XRCC6: variants seen among roughly 807,000 people sequenced by gnomAD.
XRCC6 encodes DNA repair protein Ku70.
In XRCC6, 5 loss-of-function variants were observed where a neutral mutation model predicts 65.7. That is an observed-to-expected ratio of 0.08 (90% CI 0.04 to 0.16). The LOEUF (loss-of-function observed/expected upper bound fraction) is 0.16, where lower values mean the gene tolerates loss of function less well. XRCC6 is among the 10% of genes least tolerant of loss of function. The pLI, the probability that XRCC6 is intolerant of heterozygous loss-of-function variation, is 1.00. For synonymous variants in XRCC6, 270 were observed against 270.6 expected (o/e 1.00, Z 0.02); for missense variants, 447 against 738.1 (o/e 0.61, Z 4.57).
At chr22:41,627,336 T>C (rs1728951902) in intron 2 of XRCC6, among the ~76,000 whole-genome samples, 1 of 151,594 alleles carries the variant, frequency 6.6e-6, no homozygotes, top group Non-Finnish European at 1.5e-5. Context: ...CGGGGTGGGG[T>C]GCGGTGGCTC....
chr22:41,639,743 A>G (rs2067854838), intron 6 of XRCC6, among the ~76,000 whole-genome samples: 1 of 139,374 alleles, frequency 7.2e-6, no homozygotes, highest in South Asian at 2.2e-4. Flanking sequence ...GGTCACTGCA[A>G]GCTCCGCCTC....
At chr22:41,624,166 C>T (rs554220753) in intron 2 of XRCC6, among the ~76,000 whole-genome samples, 2 of 152,208 alleles carry the variant, frequency 1.3e-5, no homozygotes, top group African/African-American at 2.4e-5. Flanking sequence ...GGGCAGATCA[C>T]TTGAGGTCAG....
In XRCC6 at chr22:41,661,416, T is replaced by C. The variant is rs1419299749; in HGVS notation, c.1608T>C (p.Pro536=). Residue 536 remains proline (P), a synonymous_variant, in exon 12 of 13, where the codon CCT becomes CCC. Transcript: ENST00000360079. ...TTGTTTACCCACCAGATTACAATCC[T>C]GAAGGGAAAGTTACCAAGAGAAAAC... is the stretch of plus-strand genomic sequence containing the variant. The part of the protein sequence containing the change: ...KELVYPPDYN[P]EGKVTKRKHD... 5.6e-6 allele frequency: 9 copies of C among 1,613,948 alleles called. No individual in the cohort carries two copies. Among genetic ancestry groups the C allele is most frequent in the Admixed American group, 5.0e-5 (3 of 59,968 alleles).
At chr22:41,657,969 G>A (rs1313030186) in intron 10 of XRCC6, among the ~76,000 whole-genome samples, 3 of 152,038 alleles carry the variant, frequency 2.0e-5, no homozygotes, top group South Asian at 2.1e-4. Context: ...GACCACAGGC[G>A]TGCACCAACA....
intron 7 of XRCC6, 93 bp downstream of exon 7, chr22:41,647,175 T>C: frequency 7.2e-7 from 1 of 1,394,526 alleles, no homozygotes; most frequent in South Asian, 1.3e-5. Context: ...CATGACTCGC[T>C]ACAGCCTTGA....
intron 7 of XRCC6, among the ~76,000 whole-genome samples, chr22:41,649,126 C>CA (rs1335320703): frequency 0.011 from 997 of 90,228 alleles, 30 homozygotes; most frequent in African/African-American, 0.035. Flanking sequence ...GAAGAGAGTA[C>CA]AAAAAAAAAA....
At chr22:41,624,671 G>T (rs910637744) in intron 2 of XRCC6, among the ~76,000 whole-genome samples, 1 of 146,886 alleles carries the variant, frequency 6.8e-6, no homozygotes, top group African/African-American at 2.5e-5. Flanking sequence ...CTGGGCGACA[G>T]AGTGAGACTC....
At chr22:41,648,987 A>C (rs1469707874) in intron 7 of XRCC6, among the ~76,000 whole-genome samples, 1 of 69,928 alleles carries the variant, frequency 1.4e-5, no homozygotes, top group Non-Finnish European at 2.7e-5. Context: ...ATGGTGGCTC[A>C]TGCACTTTTG....
In XRCC6 at chr22:41,661,458, T is replaced by G. The variant is rs2147119975; in HGVS notation, c.1636+14T>G. On this transcript the variant is annotated intron_variant, in intron 12 of 12. Coordinates refer to ENST00000360079, the MANE Select transcript of XRCC6 (RefSeq NM_001469.5). ...AGAGAAAACACGGTGAGAAGCTGAA[T>G]GTGGACATGTGGGCTATTTTTAAAA... The G allele has an allele frequency of 1.2e-6, 2 of 1,606,720 alleles. No individual in the cohort carries two copies. Among genetic ancestry groups the G allele is most frequent in the Non-Finnish European group, 1.7e-6 (2 of 1,174,920 alleles).
At chr22:41,641,845 T>G (rs932568365) in intron 6 of XRCC6, among the ~76,000 whole-genome samples, 2 of 152,184 alleles carry the variant, frequency 1.3e-5, no homozygotes, top group Non-Finnish European at 2.9e-5. Context: ...CAGGTTAGAC[T>G]GCAATGGCGC....
At chr22:41,662,972 C>G (rs2068113085) in intron 12 of XRCC6, among the ~76,000 whole-genome samples, 1 of 152,030 alleles carries the variant, frequency 6.6e-6, no homozygotes, top group South Asian at 2.1e-4. Flanking sequence ...TCCCAACTAC[C>G]TGGGAGACTG....
chr22:41,650,937 G>A (rs1184244046), intron 8 of XRCC6, 46 bp downstream of exon 8: 1 of 1,607,480 alleles, frequency 6.2e-7, no homozygotes, highest in Admixed American at 1.7e-5. Flanking sequence ...ACACAGTGCA[G>A]TTTACGGAGC....
intron 7 of XRCC6, 136 bp from the exon 8 acceptor site, chr22:41,650,587 G>C: frequency 1.2e-6 from 1 of 800,640 alleles, no homozygotes; most frequent in Non-Finnish European, 2.0e-6. Context: ...TGTTGGAGAA[G>C]GAGGATGCCC....
intron 11 of XRCC6, 75 bp downstream of exon 11, chr22:41,658,427 G>A: frequency 7.1e-7 from 1 of 1,412,824 alleles, no homozygotes; most frequent in South Asian, 1.2e-5. Flanking sequence ...AGTAATTTGG[G>A]TGCATTTCCC....
intron 8 of XRCC6, among the ~76,000 whole-genome samples, chr22:41,651,171 G>A (rs1006172210): frequency 8.6e-5 from 13 of 151,860 alleles, no homozygotes; most frequent in African/African-American, 2.9e-4. Flanking sequence ...GGTGGCTTGC[G>A]CCTGTGATCC....
At chr22:41,627,609 C>CAAAAAAAA (rs71184821) in intron 2 of XRCC6, among the ~76,000 whole-genome samples, 1 of 97,508 alleles carries the variant, frequency 1.0e-5, no homozygotes. Context: ...GACTCCGTCT[C>CAAAAAAAA]AAAAAAAAAA....
chr22:41,644,298 T>G (rs374702645), intron 6 of XRCC6, among the ~76,000 whole-genome samples: 2 of 152,244 alleles, frequency 1.3e-5, no homozygotes, highest in African/African-American at 4.8e-5. Context: ...ACATACTTTA[T>G]GGGATTTCAA....
rs1264841716 is a variant in XRCC6, at chr22:41,655,871, G to GT, written c.1292-1028dup. On this transcript the variant is annotated intron_variant, in intron 9 of 12. Coordinates refer to ENST00000360079, the MANE Select transcript of XRCC6 (RefSeq NM_001469.5). ...GAGCCACCATGTCCGGCCCAAGCTAGTTTTCCTGTTGCACCTCAAACTGTA... is the reference window on the plus strand; with the variant it reads ...GAGCCACCATGTCCGGCCCAAGCTAGTTTTTCCTGTTGCACCTCAAACTGTA... Among the ~76,000 whole-genome samples, 3 of 151,884 alleles carry GT rather than the reference G, an allele frequency of 2.0e-5. No individual in the cohort carries two copies. In the East Asian group the frequency reaches 5.9e-4, roughly 30 times the overall value.
chr22:41,657,127 T>C lies in XRCC6; in HGVS notation c.1421+95T>C, dbSNP rs1601555980. 5.0e-6 allele frequency: 7 copies of C among 1,393,680 alleles called. No individual in the cohort carries two copies. In the East Asian group the frequency reaches 1.8e-4, roughly 35 times the overall value. 86.3% of individuals were successfully genotyped at this position (1,393,680 alleles called of 1,614,324 possible). On this transcript the variant is annotated intron_variant, in intron 10 of 12. Coordinates refer to ENST00000360079, the MANE Select transcript of XRCC6 (RefSeq NM_001469.5). Reference sequence around the variant, plus strand: ...AGGCCAAGAGAATGGCACTACTCTTTTCAGCAAACTGACAGATTACTACTT... The same window carrying C: ...AGGCCAAGAGAATGGCACTACTCTTCTCAGCAAACTGACAGATTACTACTT...
Sources: gnomAD v4.1 joint callset for allele counts (sites outside exome capture counted in the v4.1 genomes callset) on GRCh38, gnomAD v4.1.1 for gene constraint, MANE v1.5 for transcripts, NCBI Gene and HGNC (gene_info 2026-07-23, HGNC 2026-07-21) for gene names.